The following STAG1 variants were observed in gnomAD, a reference collection of about 807,000 sequenced individuals.
STAG1 encodes cohesin subunit SA-1.
STAG1 carries 26 observed loss-of-function variants against 170.9 expected under a neutral mutation model. The observed-to-expected ratio is 0.15, with a 90% CI of 0.11 to 0.21. STAG1 has a LOEUF of 0.21. STAG1 is among the 10% of genes least tolerant of loss of function. The pLI is 1.00. For synonymous variants in STAG1, 514 were observed against 497.7 expected (o/e 1.03, Z -0.44); for missense variants, 964 against 1,509.5 (o/e 0.64, Z 5.99).
At chr3:136,734,894 A>G (rs1934250041) in intron 1 of STAG1, among the ~76,000 whole-genome samples, 1 of 152,216 alleles carries the variant, frequency 6.6e-6, no homozygotes, top group Non-Finnish European at 1.5e-5. Flanking sequence ...CATTATGTTA[A>G]GTGAAATAAG....
At chr3:136,352,287 G>A (rs1201562431) in intron 28 of STAG1, among the ~76,000 whole-genome samples, 3 of 152,110 alleles carry the variant, frequency 2.0e-5, no homozygotes, top group East Asian at 1.9e-4. Flanking sequence ...TCAGCCTCCC[G>A]AGTAGCTGGG....
intron 22 of STAG1, among the ~76,000 whole-genome samples, chr3:136,381,927 T>C (rs1241256717): frequency 1.3e-5 from 2 of 152,208 alleles, no homozygotes; most frequent in African/African-American, 4.8e-5. Flanking sequence ...AGCTGTCAAC[T>C]TGTAAACCTT....
chr3:136,536,703 CAAA>C (rs11321017), intron 6 of STAG1, among the ~76,000 whole-genome samples: 16 of 70,956 alleles, frequency 2.3e-4, no homozygotes, highest in African/African-American at 7.3e-4. Context: ...ACTCAGTCTC[CAAA>C]AAAAAAAAAA....
intron 3 of STAG1, among the ~76,000 whole-genome samples, chr3:136,611,867 A>C (rs1939302740): frequency 6.6e-6 from 1 of 150,818 alleles, no homozygotes; most frequent in Non-Finnish European, 1.5e-5. Flanking sequence ...TTTTTTTATA[A>C]GACAGAGTCT....
chr3:136,443,855 G>GT (rs2088701126), intron 14 of STAG1, among the ~76,000 whole-genome samples: 1 of 152,094 alleles, frequency 6.6e-6, no homozygotes. Context: ...CTTAGTCAAA[G>GT]TAAAAAATAC....
chr3:136,528,368 A>C (rs1172604913), intron 6 of STAG1, among the ~76,000 whole-genome samples: 1 of 151,914 alleles, frequency 6.6e-6, no homozygotes, highest in East Asian at 1.9e-4. Flanking sequence ...TGGGCATGGG[A>C]CCCTCTGAGC....
rs115655733 is a variant in STAG1, at chr3:136,513,311, C to T, written c.676+7902G>A. ...GGCATAGGTCATAGCGAGCCAAGAT[C>T]GTGCCACCGTACTCCAGTCTGGGTG... On this transcript the variant is annotated intron_variant, in intron 7 of 33. Transcript: ENST00000383202. Among the ~76,000 whole-genome samples, 1,146 of 151,800 alleles carry T rather than the reference C, an allele frequency of 7.5e-3. 18 individuals carry two copies. Among genetic ancestry groups the T allele is most frequent in the African/African-American group, 0.026 (1,089 of 41,380 alleles).
chr3:136,648,720 CCTGA>C (rs758727755), intron 1 of STAG1, among the ~76,000 whole-genome samples: 14 of 152,258 alleles, frequency 9.2e-5, no homozygotes, highest in South Asian at 2.1e-4. Context: ...TCTACCATAT[CCTGA>C]CTATTTTACC....
intron 4 of STAG1, among the ~76,000 whole-genome samples, chr3:136,599,245 T>C (rs1198393141): frequency 3.3e-5 from 5 of 151,794 alleles, no homozygotes; most frequent in South Asian, 2.1e-4. Context: ...AGGAAAGAGA[T>C]TGGGCTAGGT....
At chr3:136,650,236 G>GA (rs574918766) in intron 1 of STAG1, among the ~76,000 whole-genome samples, 192 of 59,916 alleles carry the variant, frequency 3.2e-3, no homozygotes, top group Non-Finnish European at 3.9e-3. Flanking sequence ...ACCCTGTCAA[G>GA]AAAAAAAAAA....
intron 4 of STAG1, among the ~76,000 whole-genome samples, chr3:136,596,769 T>G (rs1223946671): frequency 6.6e-6 from 1 of 152,226 alleles, no homozygotes; most frequent in East Asian, 1.9e-4. Context: ...TTTACTCATT[T>G]TAAATGCAGT....
intron 1 of STAG1, among the ~76,000 whole-genome samples, chr3:136,655,200 C>A (rs916928676): frequency 2.0e-5 from 3 of 152,118 alleles, no homozygotes; most frequent in East Asian, 1.9e-4. Context: ...AAAAAGTCAA[C>A]CCACAGAACA....
At chr3:136,584,097 T>C (rs559099707) in intron 4 of STAG1, among the ~76,000 whole-genome samples, 1 of 152,370 alleles carries the variant, frequency 6.6e-6, no homozygotes, top group East Asian at 1.9e-4. Context: ...TAAATGACCA[T>C]GTAATCTGTA....
At chr3:136,436,473 G>T (rs1315197522) in intron 15 of STAG1, among the ~76,000 whole-genome samples, 3 of 151,962 alleles carry the variant, frequency 2.0e-5, no homozygotes, top group African/African-American at 7.3e-5. Flanking sequence ...GTAGAGACAG[G>T]GTTTCACCAT....
chr3:136,581,888 TAAACCAA>T (rs1296816194), intron 4 of STAG1, among the ~76,000 whole-genome samples: 1 of 152,150 alleles, frequency 6.6e-6, no homozygotes, highest in East Asian at 1.9e-4. Flanking sequence ...AACATAAGCC[TAAACCAA>T]ACACCAAACA....
intron 2 of STAG1, among the ~76,000 whole-genome samples, chr3:136,626,046 C>G (rs140256132): frequency 0.015 from 2,273 of 150,760 alleles, 34 homozygotes; most frequent in Non-Finnish European, 0.023. Flanking sequence ...GAGTAGAACT[C>G]TGTCTCAAAA....
intron 1 of STAG1, among the ~76,000 whole-genome samples, chr3:136,695,530 C>G (rs1369749285): frequency 6.6e-6 from 1 of 151,488 alleles, no homozygotes; most frequent in East Asian, 1.9e-4. Context: ...TGCCTTTGAA[C>G]CCTGAAAGCC....
rs144875569 is a variant in STAG1 at position 136,465,750 on chromosome 3, C to T, written c.1206-762G>A. On this transcript the variant is annotated intron_variant, in intron 12 of 33. Coordinates refer to ENST00000383202, the MANE Select transcript of STAG1 (RefSeq NM_005862.3). ...CAACACAAAAATTGAAGGTTCTCTT[C>T]CTCAGCAATAACCAAGCAGAAAATA... is the stretch of plus-strand genomic sequence containing the variant. Among the ~76,000 whole-genome samples the T allele has an allele frequency of 1.4e-4, 21 of 151,942 alleles. No homozygotes were observed. The East Asian group carries it at 4.1e-3, about 29-fold the overall frequency.
At chr3:136,347,115 C>T (rs1936255711) in intron 29 of STAG1, among the ~76,000 whole-genome samples, 1 of 149,682 alleles carries the variant, frequency 6.7e-6, no homozygotes, top group South Asian at 2.1e-4. Flanking sequence ...AAACAAAAGG[C>T]CAGGTGCAGT....
Sources: allele counts gnomAD v4.1 joint callset (sites outside exome capture counted in the v4.1 genomes callset), GRCh38; gene constraint gnomAD v4.1.1; transcripts MANE v1.5; gene names NCBI Gene and HGNC (gene_info 2026-07-23, HGNC 2026-07-21).